Variants in KCNH3 observed in about 807,000 individuals in gnomAD.
KCNH3 encodes the protein voltage-gated inwardly rectifying potassium channel KCNH3.
KCNH3 carries 36 observed loss-of-function variants against 95.6 expected under a neutral mutation model. The ratio of observed to expected loss-of-function variants is 0.38; its 90% CI spans 0.29 to 0.50. The LOEUF (loss-of-function observed/expected upper bound fraction) is 0.50, where lower values mean the gene tolerates loss of function less well. Ranked by LOEUF, KCNH3 falls within the 20% of genes least tolerant of loss-of-function variation. The pLI is 0.95. For synonymous variants in KCNH3, 620 were observed against 646.3 expected (o/e 0.96, Z 0.62); for missense variants, 1,030 against 1,484.1 (o/e 0.69, Z 5.03).
intron 13 of KCNH3, 78 bp downstream of exon 13, chr12:49,556,554 A>C: frequency 9.7e-7 from 1 of 1,030,226 alleles, no homozygotes; most frequent in Non-Finnish European, 1.5e-6. Flanking sequence ...TTGACCTCTG[A>C]GCCTTCAATG....
rs764340931 is a variant in KCNH3, at chr12:49,557,242, G to A, written c.2635G>A (p.Asp879Asn). The A allele has an allele frequency of 1.2e-6, 2 of 1,614,024 alleles. No homozygotes were observed. Among genetic ancestry groups the A allele is most frequent in the East Asian group, 2.2e-5 (1 of 44,878 alleles). Reference sequence around the variant, plus strand: ...CGAGGCAAGGAACACAGACACACTGGACAAGCTTCGGCAGGCGGTGGGTGA... The same window carrying A: ...CGAGGCAAGGAACACAGACACACTGAACAAGCTTCGGCAGGCGGTGGGTGA... The part of the protein sequence containing the change: ...PSEARNTDTL[D>N]KLRQAVTELS... Residue 879 changes from aspartate (D) to asparagine (N), a missense_variant, in exon 14 of 15, where the codon GAC becomes AAC. Physicochemically the swap from Asp to Asn is conservative, Grantham distance 23 (BLOSUM62 1). This residue lies in a region of KCNH3 where 464 missense variants were observed against 493.2 expected (regional missense o/e 0.94). Transcript: ENST00000257981.
intron 7 of KCNH3, among the ~76,000 whole-genome samples, chr12:49,546,605 T>C (rs1938069503): frequency 6.6e-6 from 1 of 152,176 alleles, no homozygotes; most frequent in South Asian, 2.1e-4. Flanking sequence ...CACAAGACTG[T>C]GCTGAGTATT....
At chr12:49,545,878 C>T (rs995888673) in intron 7 of KCNH3, among the ~76,000 whole-genome samples, 4 of 152,162 alleles carry the variant, frequency 2.6e-5, no homozygotes, top group African/African-American at 9.7e-5. Context: ...AGTGCTCTCA[C>T]TGCTGAGTAG....
At chr12:49,553,768 C>T (rs1938340254) in intron 10 of KCNH3, among the ~76,000 whole-genome samples, 1 of 152,210 alleles carries the variant, frequency 6.6e-6, no homozygotes. Context: ...TGCAGCATCT[C>T]TTGTAGAGCA....
chr12:49,543,454 G>T lies in KCNH3; in HGVS notation c.759G>T (p.Glu253Asp). ...GCGTGTGTGTGAGCACAGCACGGGA[G>T]CCCAGTGCCGCCCGCGGCCCGCCCA... The part of the protein sequence containing the change: ...PYSVCVSTAR[E>D]PSAARGPPSV... Residue 253 changes from glutamate to aspartate, a missense_variant, in exon 5 of 15, where the codon GAG becomes GAT. By Grantham distance (45) the Glu-to-Asp change is conservative. Around this residue, in one of 9 missense-constraint regions of KCNH3, gnomAD observed 153 missense variants for 288.5 expected, o/e 0.53. Coordinates refer to ENST00000257981, the MANE Select transcript of KCNH3 (RefSeq NM_012284.3). 1 of 1,603,274 alleles carries T rather than the reference G, an allele frequency of 6.2e-7. No individual in the cohort carries two copies. Among genetic ancestry groups the T allele is most frequent in the Non-Finnish European group, 8.5e-7 (1 of 1,179,506 alleles).
chr12:49,550,365 T>C, intron 10 of KCNH3, 36 bp downstream of exon 10: 1 of 1,572,178 alleles, frequency 6.4e-7, no homozygotes, highest in Non-Finnish European at 8.6e-7. Context: ...TGGGGGCACG[T>C]GTGTGTGAGA....
In KCNH3 at chr12:49,556,295, G is replaced by A. The variant is rs942395783; in HGVS notation, c.2469-75G>A. 74 of 1,086,802 alleles carry A rather than the reference G, an allele frequency of 6.8e-5. No individual in the cohort carries two copies. The African/African-American group carries it at 1.0e-3, about 15-fold the overall frequency. The allele number at this position is 1,086,802 out of a possible 1,614,324, so 67.3% of individuals were successfully genotyped here. ...CCTGCAGCCTGTGTGTGTGGACGCT[G>A]GGGCATCCCGTCCCGTATGACCCCA... On this transcript the variant is annotated intron_variant, in intron 12 of 14. Transcript: ENST00000257981.
intron 7 of KCNH3, among the ~76,000 whole-genome samples, chr12:49,544,888 C>T (rs1484095445): frequency 6.6e-6 from 1 of 152,118 alleles, no homozygotes. Context: ...CTTTCTGCGT[C>T]CCCAGCATCT....
At chr12:49,556,038 T>A in intron 12 of KCNH3, 87 bp downstream of exon 12, 1 of 671,646 alleles carries the variant, frequency 1.5e-6, no homozygotes, top group South Asian at 1.8e-5. Flanking sequence ...GGTGCCCATC[T>A]AACCATCTTA....
rs1938535996 is a variant in KCNH3 at position 49,557,881 on chromosome 12, G to A, written c.3180G>A (p.Leu1060=). The change falls in exon 15 of 15, where the codon CTG becomes CTA. Residue 1060 remains leucine, a synonymous_variant. Transcript: ENST00000257981. ...CCTTGCCCTGGGACCCCCACAGCCT[G>A]GAGATGGTGCTTATTGGCTGCCATG... is the stretch of plus-strand genomic sequence containing the variant. ...GLALPWDPHS[L]EMVLIGCHGS... 1.9e-6 allele frequency: 3 copies of A among 1,559,106 alleles called. No homozygotes were observed. Among genetic ancestry groups the A allele is most frequent in the Admixed American group, 1.9e-5 (1 of 51,430 alleles).
At chr12:49,556,871 G>T (rs1938475868) in intron 13 of KCNH3, 2 of 624,442 alleles carry the variant, frequency 3.2e-6, no homozygotes, top group African/African-American at 3.6e-5. Context: ...TCCAGGCCAG[G>T]GAAGTGGACA....
intron 5 of KCNH3, 70 bp from the exon 6 acceptor site, chr12:49,543,845 G>A: frequency 1.3e-6 from 2 of 1,554,152 alleles, no homozygotes; most frequent in East Asian, 4.5e-5. Context: ...CTGAGAAAGT[G>A]AGCAGGTGTC....
chr12:49,543,605 A>C lies in KCNH3; in HGVS notation c.823+87A>C. 3 of 1,505,804 alleles carry C rather than the reference A, an allele frequency of 2.0e-6. No individual in the cohort carries two copies. The South Asian group carries it at 3.8e-5, about 19-fold the overall frequency. 93.3% of individuals were successfully genotyped at this position (1,505,804 alleles called of 1,614,324 possible). A position where few individuals can be genotyped will look rare whatever the true frequency, so the allele number is the denominator to read the frequency against. On this transcript the variant is annotated intron_variant, in intron 5 of 14. Coordinates refer to ENST00000257981, the MANE Select transcript of KCNH3 (RefSeq NM_012284.3). ...TAGTCCACGTGGCTTCCAGGGTGCT[A>C]CAGTGCCCCCCTCGCTCTCTCTCAT...
intron 1 of KCNH3, among the ~76,000 whole-genome samples, chr12:49,540,303 G>GC (rs1169313111): frequency 1.3e-5 from 2 of 152,098 alleles, no homozygotes; most frequent in Admixed American, 6.5e-5. Flanking sequence ...CTGATTCAGT[G>GC]CCCCCCACTC....
chr12:49,550,079 G>A lies in KCNH3; in HGVS notation c.1669-1G>A. The A allele has an allele frequency of 2.1e-6, 2 of 967,034 alleles. No homozygotes were observed. The highest frequency in any genetic ancestry group is 1.5e-6 in the Non-Finnish European group (1 of 667,572). The allele number at this position is 967,034 out of a possible 1,614,324, so 59.9% of individuals were successfully genotyped here. A position where few individuals can be genotyped will look rare whatever the true frequency, so the allele number is the denominator to read the frequency against. On this transcript the variant is annotated splice_acceptor_variant, in intron 9 of 14. Transcript: ENST00000257981. LOFTEE classifies it high-confidence loss of function. ...CCACCCCCGCACCTGCTCACCTGCA[G>A]CTGCTGCAGAGCCTCCCTGACGAGC...
intron 7 of KCNH3, 117 bp from the exon 8 acceptor site, chr12:49,548,778 G>A (rs1938154177): frequency 1.8e-6 from 2 of 1,089,406 alleles, no homozygotes; most frequent in South Asian, 3.3e-5. Flanking sequence ...GCAGTGAAGG[G>A]GCAAAGCGGC....
chr12:49,556,305 G>A (rs1434697325), intron 12 of KCNH3, 65 bp from the exon 13 acceptor site: 37 of 1,221,572 alleles, frequency 3.0e-5, no homozygotes, highest in Non-Finnish European at 4.1e-5. Context: ...GGGGCATCCC[G>A]TCCCGTATGA....
intron 11 of KCNH3, among the ~76,000 whole-genome samples, chr12:49,555,268 G>A (rs867838807): frequency 6.9e-6 from 1 of 145,450 alleles, no homozygotes; most frequent in African/African-American, 2.6e-5. Flanking sequence ...GTGAAACGCC[G>A]TCTCTACTAA....
chr12:49,539,430 G>A lies in KCNH3; in HGVS notation c.14G>A (p.Arg5Gln). The A allele has an allele frequency of 6.4e-7, 1 of 1,563,312 alleles. No individual in the cohort carries two copies. The highest frequency in any genetic ancestry group is 8.6e-7 in the Non-Finnish European group (1 of 1,158,762). ...CGGGCGCCTAAGATGCCGGCCATGC[G>A]GGGCCTCCTGGCGCCGCAGAACACC... MPAM[R>Q]GLLAPQNTFL... Residue 5 changes from arginine to glutamine, a missense_variant, in exon 1 of 15, where the codon CGG becomes CAG. Around this residue, in one of 9 missense-constraint regions of KCNH3, gnomAD observed 26 missense variants for 35.1 expected, o/e 0.74. Transcript: ENST00000257981. The surrounding 1 kb of genome is among the most constrained non-coding windows in gnomAD (Gnocchi z 6.7).
Sources: allele counts gnomAD v4.1 joint callset (sites outside exome capture counted in the v4.1 genomes callset), GRCh38; gene constraint gnomAD v4.1.1; regional missense constraint gnomAD v4.1.1; non-coding constraint Gnocchi (gnomAD v3.1); transcripts MANE v1.5; gene names NCBI Gene and HGNC (gene_info 2026-07-23, HGNC 2026-07-21).